Variants in BRAF observed in about 807,000 individuals in gnomAD.
BRAF encodes the protein B-Raf proto-oncogene, serine/threonine kinase, also known as serine/threonine-protein kinase B-raf.
BRAF carries 16 observed loss-of-function variants against 104.6 expected under a neutral mutation model. The observed-to-expected ratio is 0.15, with a 90% CI of 0.10 to 0.23. The LOEUF is 0.23. Among genes scored for constraint, BRAF ranks in the 10% least tolerant of loss-of-function variants. The pLI is 1.00. For missense variants in BRAF, 541 were observed against 937.3 expected (o/e 0.58, Z 5.52); for synonymous variants, 310 against 341.6 (o/e 0.91, Z 1.02).
intron 3 of BRAF, among the ~76,000 whole-genome samples, chr7:140,826,977 C>T (rs1806123668): frequency 1.3e-5 from 2 of 151,900 alleles, no homozygotes; most frequent in African/African-American, 4.9e-5. Flanking sequence ...TTTTATTGTC[C>T]AAGACATTAA....
intron 7 of BRAF, among the ~76,000 whole-genome samples, chr7:140,798,804 C>T (rs1562965142): frequency 6.6e-6 from 1 of 151,706 alleles, no homozygotes; most frequent in Non-Finnish European, 1.5e-5. Flanking sequence ...TTTATTGTGT[C>T]TTCCTTTTTA....
At chr7:140,719,280 G>T, downstream of BRAF, 1 of 800,760 alleles carries the variant, frequency 1.2e-6, no homozygotes. Context: ...TAAAACTGCT[G>T]ACTACTTTTG....
At chr7:140,785,614 G>C (rs1586155196) in intron 10 of BRAF, 1 of 397,682 alleles carries the variant, frequency 2.5e-6, no homozygotes, top group Non-Finnish European at 4.4e-6. Flanking sequence ...CGCTGTGAGG[G>C]TGAGGCACAA....
At chr7:140,815,945 T>C (rs1804835567) in intron 3 of BRAF, among the ~76,000 whole-genome samples, 2 of 152,218 alleles carry the variant, frequency 1.3e-5, no homozygotes, top group Admixed American at 1.3e-4. Context: ...TTTTTACTGC[T>C]AAATTGCTGT....
intron 2 of BRAF, among the ~76,000 whole-genome samples, chr7:140,843,963 C>A (rs898369093): frequency 1.3e-5 from 2 of 152,060 alleles, no homozygotes; most frequent in African/African-American, 4.8e-5. Flanking sequence ...GAGCCGAGAT[C>A]GCACCACTGC....
intron 14 of BRAF, among the ~76,000 whole-genome samples, chr7:140,759,298 T>G (rs1199639390): frequency 1.3e-5 from 2 of 152,248 alleles, no homozygotes; most frequent in African/African-American, 2.4e-5. Context: ...CTAAAATGGC[T>G]GTATCATTTA....
At position 140,724,771 on chromosome 7, in the gene BRAF, G is replaced by A. The variant is rs1473275820; in HGVS notation, c.*1723C>T. Reference sequence around the variant, plus strand: ...CTTGTTTAATTTCTTTCAAGTCCTTGGCTATAGCTTGGTTGGTCTGATTTG... The same window carrying A: ...CTTGTTTAATTTCTTTCAAGTCCTTAGCTATAGCTTGGTTGGTCTGATTTG... On this transcript the variant is annotated 3_prime_UTR_variant, in exon 20 of 20. Transcript: ENST00000644969. The A allele has an allele frequency of 7.7e-6, 8 of 1,034,676 alleles. No individual in the cohort carries two copies. Among genetic ancestry groups the A allele is most frequent in the Non-Finnish European group, 9.3e-6 (8 of 859,938 alleles). 64.1% of individuals were successfully genotyped at this position (1,034,676 alleles called of 1,614,324 possible).
At chr7:140,822,468 T>C (rs1283034125) in intron 3 of BRAF, 1 of 152,248 alleles carries the variant, frequency 6.6e-6, no homozygotes, top group East Asian at 1.9e-4. Flanking sequence ...CCCAGGCAAA[T>C]ACAAATCTGT....
At chr7:140,733,103 ACTTAT>A (rs1455748209) in intron 19 of BRAF, 4 of 152,206 alleles carry the variant, frequency 2.6e-5, no homozygotes, top group Admixed American at 1.3e-4. Context: ...TAATGGCATT[ACTTAT>A]CTTAAGCTAC....
chr7:140,864,412 C>A (rs981282399), intron 1 of BRAF, among the ~76,000 whole-genome samples: 2 of 152,064 alleles, frequency 1.3e-5, no homozygotes, highest in Non-Finnish European at 2.9e-5. Flanking sequence ...ATTATGTCAC[C>A]AACAGGAGAG....
chr7:140,850,720 C>G (rs562332865), intron 1 of BRAF, among the ~76,000 whole-genome samples: 1 of 152,232 alleles, frequency 6.6e-6, no homozygotes, highest in African/African-American at 2.4e-5. Context: ...ATATAGCATT[C>G]ATTTCATAGC....
At chr7:140,899,027 A>G (rs568103328) in intron 1 of BRAF, among the ~76,000 whole-genome samples, 1 of 152,272 alleles carries the variant, frequency 6.6e-6, no homozygotes, top group Non-Finnish European at 1.5e-5. Context: ...AATGATATCT[A>G]CTGCACTACT....
chr7:140,750,402 C>A (rs1586002365), intron 16 of BRAF, among the ~76,000 whole-genome samples: 1 of 152,116 alleles, frequency 6.6e-6, no homozygotes, highest in South Asian at 2.1e-4. Flanking sequence ...GAGAATGACC[C>A]GCGGAGCCTT....
chr7:140,742,260 C>T (rs1200189770), intron 17 of BRAF, among the ~76,000 whole-genome samples: 1 of 150,296 alleles, frequency 6.7e-6, no homozygotes, highest in African/African-American at 2.5e-5. Flanking sequence ...GGTGTGATCT[C>T]GGCTCACTGC....
At chr7:140,919,072 G>A (rs544134378) in intron 1 of BRAF, among the ~76,000 whole-genome samples, 18 of 151,584 alleles carry the variant, frequency 1.2e-4, no homozygotes, top group Non-Finnish European at 1.0e-4. Context: ...GCGTGAACCC[G>A]GGAGGCAGAG....
At chr7:140,751,176 A>T (rs1797757659) in intron 16 of BRAF, among the ~76,000 whole-genome samples, 1 of 152,226 alleles carries the variant, frequency 6.6e-6, no homozygotes, top group Non-Finnish European at 1.5e-5. Flanking sequence ...TATCAACAAA[A>T]AATTAATTGT....
intron 3 of BRAF, among the ~76,000 whole-genome samples, chr7:140,826,883 T>G (rs1185577594): frequency 2.6e-5 from 4 of 152,216 alleles, no homozygotes; most frequent in African/African-American, 4.8e-5. Flanking sequence ...GTCCCAAGAA[T>G]GATTCTTCCC....
chr7:140,787,647 C>A, intron 8 of BRAF, 63 bp from the exon 9 acceptor site: 1 of 1,393,652 alleles, frequency 7.2e-7, no homozygotes, highest in Non-Finnish European at 1.0e-6. Context: ...GTAGCGATAA[C>A]ACTGAATTTT....
intron 17 of BRAF, among the ~76,000 whole-genome samples, chr7:140,746,739 G>C (rs577660471): frequency 1.3e-5 from 2 of 151,152 alleles, no homozygotes; most frequent in East Asian, 3.9e-4. Context: ...GGCTGAGGCA[G>C]AAGAATCGCT....
Sources: gnomAD v4.1 joint callset for allele counts (sites outside exome capture counted in the v4.1 genomes callset) on GRCh38, gnomAD v4.1.1 for gene constraint, MANE v1.5 for transcripts, NCBI Gene and HGNC (gene_info 2026-07-23, HGNC 2026-07-21) for gene names.